The following ZEB1 variants were observed in gnomAD, a reference collection of about 807,000 sequenced individuals.
The protein encoded by ZEB1 is zinc finger E-box-binding homeobox 1.
In ZEB1, 21 loss-of-function variants were observed where a neutral mutation model predicts 84.9. The ratio of observed to expected loss-of-function variants is 0.25; its 90% CI spans 0.18 to 0.36. The LOEUF is 0.36. Ranked by LOEUF, ZEB1 falls within the 10% of genes least tolerant of loss-of-function variation. ZEB1 has a pLI of 1.00. For missense variants in ZEB1, 1,104 were observed against 1,330.2 expected (o/e 0.83, Z 2.65); for synonymous variants, 420 against 471.1 (o/e 0.89, Z 1.41).
At chr10:31,425,378 A>G (rs1165364224) in intron 1 of ZEB1, among the ~76,000 whole-genome samples, 1 of 152,098 alleles carries the variant, frequency 6.6e-6, no homozygotes, top group Non-Finnish European at 1.5e-5. Flanking sequence ...ATTTACTAAA[A>G]TGCATTTTAA....
At chr10:31,334,453 T>C (rs1400478185) in intron 1 of ZEB1, among the ~76,000 whole-genome samples, 2 of 152,106 alleles carry the variant, frequency 1.3e-5, no homozygotes, top group African/African-American at 2.4e-5. Context: ...ACAACTTATG[T>C]ATAGCTAAAA....
chr10:31,347,279 C>T (rs2040480170), intron 1 of ZEB1, among the ~76,000 whole-genome samples: 2 of 152,186 alleles, frequency 1.3e-5, no homozygotes, highest in South Asian at 4.1e-4. Context: ...AGATTCCAGT[C>T]TTGCCTCTGT....
chr10:31,410,516 C>T (rs1417771158), intron 1 of ZEB1, among the ~76,000 whole-genome samples: 1 of 152,192 alleles, frequency 6.6e-6, no homozygotes, highest in Non-Finnish European at 1.5e-5. Context: ...ATGCTGGCCT[C>T]ATAAAATGAG....
chr10:31,449,284 G>A (rs538934995), intron 1 of ZEB1, among the ~76,000 whole-genome samples: 239 of 152,318 alleles, frequency 1.6e-3, no homozygotes, highest in African/African-American at 4.5e-3. Flanking sequence ...CGCACAGTGC[G>A]CGCACCCACT....
intron 1 of ZEB1, among the ~76,000 whole-genome samples, chr10:31,430,980 A>G (rs1448993236): frequency 6.6e-6 from 1 of 152,240 alleles, no homozygotes; most frequent in Non-Finnish European, 1.5e-5. Context: ...ATGATTTTGT[A>G]AGGCCCAAAT....
intron 1 of ZEB1, among the ~76,000 whole-genome samples, chr10:31,330,280 G>C (rs1425549546): frequency 6.6e-6 from 1 of 152,132 alleles, no homozygotes; most frequent in Non-Finnish European, 1.5e-5. Flanking sequence ...AATACCCAAA[G>C]CTCAGGATTA....
chr10:31,321,294 G>T, intron 1 of ZEB1: 2 of 1,377,508 alleles, frequency 1.5e-6, no homozygotes, highest in Non-Finnish European at 1.9e-6. Context: ...TAATATATTC[G>T]AGCCATCATT....
chr10:31,501,864 T>C (rs1034934995), intron 3 of ZEB1, among the ~76,000 whole-genome samples: 1 of 152,194 alleles, frequency 6.6e-6, no homozygotes, highest in Admixed American at 6.5e-5. Context: ...TTGTACTGTA[T>C]TCACCTGATT....
chr10:31,394,873 A>C (rs562957920), intron 1 of ZEB1, among the ~76,000 whole-genome samples: 5 of 152,270 alleles, frequency 3.3e-5, no homozygotes, highest in Admixed American at 1.3e-4. Context: ...TGTGGTGACA[A>C]TGAGGATGAA....
chr10:31,411,447 A>G (rs973289326), intron 1 of ZEB1, among the ~76,000 whole-genome samples: 1 of 152,012 alleles, frequency 6.6e-6, no homozygotes, highest in African/African-American at 2.4e-5. Context: ...CTGGCTAACA[A>G]GGTGAAACCC....
At chr10:31,368,354 A>G (rs989523458) in intron 1 of ZEB1, among the ~76,000 whole-genome samples, 1 of 151,534 alleles carries the variant, frequency 6.6e-6, no homozygotes, top group African/African-American at 2.4e-5. Flanking sequence ...ATAGAGTTTC[A>G]TTGTGTCGCC....
intron 1 of ZEB1, among the ~76,000 whole-genome samples, chr10:31,368,255 A>T (rs1017033248): frequency 6.6e-6 from 1 of 152,074 alleles, no homozygotes; most frequent in Non-Finnish European, 1.5e-5. Context: ...CCTGGGCTCA[A>T]TCGATCCCCC....
At chr10:31,475,184 C>G (rs2063929055) in intron 2 of ZEB1, among the ~76,000 whole-genome samples, 1 of 150,104 alleles carries the variant, frequency 6.7e-6, no homozygotes, top group South Asian at 2.1e-4. Flanking sequence ...ACAATGTGCA[C>G]ATGTACCCTA....
chr10:31,478,541 A>G (rs1272240312), intron 2 of ZEB1, among the ~76,000 whole-genome samples: 1 of 151,990 alleles, frequency 6.6e-6, no homozygotes, highest in Non-Finnish European at 1.5e-5. Flanking sequence ...TATAAGAAAG[A>G]CACCTTTATG....
At chr10:31,406,390 C>G (rs1420008760) in intron 1 of ZEB1, among the ~76,000 whole-genome samples, 2 of 151,906 alleles carry the variant, frequency 1.3e-5, no homozygotes, top group African/African-American at 4.8e-5. Context: ...GCCATTCTAA[C>G]TAGCATGATG....
At chr10:31,416,799 A>C (rs535747119) in intron 1 of ZEB1, among the ~76,000 whole-genome samples, 25 of 152,290 alleles carry the variant, frequency 1.6e-4, no homozygotes, top group African/African-American at 5.8e-4. Flanking sequence ...AAACGCTTTC[A>C]TCAAACATCT....
At chr10:31,377,986 A>T (rs2046963166) in intron 1 of ZEB1, among the ~76,000 whole-genome samples, 1 of 151,618 alleles carries the variant, frequency 6.6e-6, no homozygotes, top group Non-Finnish European at 1.5e-5. Context: ...TTTAAGGGAA[A>T]GGAACTAAAA....
chr10:31,439,978 G>T (rs570854853), intron 1 of ZEB1, among the ~76,000 whole-genome samples: 2 of 152,330 alleles, frequency 1.3e-5, no homozygotes, highest in South Asian at 4.1e-4. Flanking sequence ...GAAGACAAAG[G>T]TGGCAGCACG....
At position 31,523,966 on chromosome 10, in the gene ZEB1, T is replaced by C; in HGVS notation, c.2638T>C (p.Ser880Pro). The C allele has an allele frequency of 6.2e-7, 1 of 1,613,970 alleles. No homozygotes were observed. Among genetic ancestry groups the C allele is most frequent in the Non-Finnish European group, 8.5e-7 (1 of 1,179,926 alleles). The change falls in exon 8 of 9, where the codon TCA becomes CCA. Residue 880 changes from serine (S) to proline (P), a missense_variant. By Grantham distance (74) the Ser-to-Pro change is moderately conservative (BLOSUM62 -1). Coordinates refer to ENST00000424869, the MANE Select transcript of ZEB1 (RefSeq NM_001174096.2). ...ERQDTSSEGV[S>P]NVEDQNDSDS... The stretch of plus-strand genomic sequence containing the variant: ...ACAAGATACTAGCTCAGAAGGAGTA[T>C]CAAATGTAGAGGATCAGAATGACTC...
Sources: gnomAD v4.1 joint callset for allele counts (sites outside exome capture counted in the v4.1 genomes callset) on GRCh38, gnomAD v4.1.1 for gene constraint, MANE v1.5 for transcripts, NCBI Gene and HGNC (gene_info 2026-07-23, HGNC 2026-07-21) for gene names.